Variants in SLIT3 observed in about 807,000 individuals in gnomAD.
SLIT3 encodes slit homolog 3 protein.
In SLIT3, 68 loss-of-function variants were observed where a neutral mutation model predicts 184.0. That is an observed-to-expected ratio of 0.37 (90% CI 0.30 to 0.45). The LOEUF (loss-of-function observed/expected upper bound fraction) is 0.45. Ranked by LOEUF, SLIT3 falls within the 20% of genes least tolerant of loss-of-function variation. SLIT3 has a pLI of 1.00. For synonymous variants in SLIT3, 831 were observed against 828.6 expected (o/e 1.00, Z -0.05); for missense variants, 1,707 against 2,026.0 (o/e 0.84, Z 3.02).
chr5:168,942,899 G>GCCA (rs1762371108), intron 4 of SLIT3, among the ~76,000 whole-genome samples: 1 of 152,200 alleles, frequency 6.6e-6, no homozygotes, highest in Non-Finnish European at 1.5e-5. Flanking sequence ...AAGTAGAAAA[G>GCCA]TGTGTGATGA....
At chr5:169,158,172 G>C (rs962341545) in intron 4 of SLIT3, among the ~76,000 whole-genome samples, 2 of 152,082 alleles carry the variant, frequency 1.3e-5, no homozygotes, top group Non-Finnish European at 2.9e-5. Context: ...ATGCCAAGAC[G>C]CACCATAGAA....
intron 3 of SLIT3, among the ~76,000 whole-genome samples, chr5:169,219,347 C>A (rs189318529): frequency 1.2e-4 from 19 of 152,342 alleles, no homozygotes; most frequent in Non-Finnish European, 2.9e-5. Flanking sequence ...TTAATTTAAT[C>A]CCCCAACATG....
intron 12 of SLIT3, among the ~76,000 whole-genome samples, chr5:168,779,917 T>C (rs1755906259): frequency 6.6e-6 from 1 of 152,202 alleles, no homozygotes; most frequent in Admixed American, 6.5e-5. Context: ...ACCCAGGCTT[T>C]TGAAAAGCCC....
chr5:168,792,842 C>T (rs1756423425), intron 10 of SLIT3, among the ~76,000 whole-genome samples: 1 of 152,208 alleles, frequency 6.6e-6, no homozygotes, highest in Admixed American at 6.5e-5. Context: ...AAATCTGAAA[C>T]TTTCTGAGCA....
chr5:169,081,140 T>G (rs867252782), intron 4 of SLIT3, among the ~76,000 whole-genome samples: 5 of 152,202 alleles, frequency 3.3e-5, no homozygotes, highest in African/African-American at 1.2e-4. Flanking sequence ...GGGTCAGGCC[T>G]GGCCCACCAG....
At chr5:168,826,810 G>A (rs1247920835) in intron 6 of SLIT3, among the ~76,000 whole-genome samples, 2 of 152,168 alleles carry the variant, frequency 1.3e-5, no homozygotes, top group Non-Finnish European at 2.9e-5. Context: ...CGCCCAGGCT[G>A]AAGGGTAGTG....
At chr5:169,048,950 A>G (rs6555847) in intron 4 of SLIT3, among the ~76,000 whole-genome samples, 142,883 of 152,258 alleles carry the variant, frequency 0.94, 67,158 homozygotes, top group East Asian at 1. Context: ...AGAGGCCCTT[A>G]GAAGTTGAGA....
chr5:169,171,603 G>A (rs1762822424), intron 4 of SLIT3, among the ~76,000 whole-genome samples: 1 of 152,238 alleles, frequency 6.6e-6, no homozygotes, highest in East Asian at 1.9e-4. Flanking sequence ...CCAACTGGAG[G>A]TACACAGATT....
At chr5:168,903,159 T>C (rs192136208) in intron 4 of SLIT3, among the ~76,000 whole-genome samples, 21 of 152,338 alleles carry the variant, frequency 1.4e-4, no homozygotes, top group Non-Finnish European at 2.2e-4. Flanking sequence ...CATATTTACA[T>C]GTAAATTTTC....
intron 4 of SLIT3, among the ~76,000 whole-genome samples, chr5:169,152,744 C>T (rs899937428): frequency 7.2e-5 from 11 of 152,182 alleles, no homozygotes; most frequent in African/African-American, 2.4e-4. Context: ...GTAAACCATA[C>T]TCAGAAATAT....
intron 3 of SLIT3, among the ~76,000 whole-genome samples, chr5:169,203,090 T>A (rs1763953610): frequency 6.6e-6 from 1 of 152,140 alleles, no homozygotes; most frequent in East Asian, 1.9e-4. Context: ...CTGCAGAGAA[T>A]GGGCCAAAAG....
chr5:168,871,183 C>T (rs755730211), intron 5 of SLIT3, among the ~76,000 whole-genome samples: 65 of 152,196 alleles, frequency 4.3e-4, no homozygotes, highest in Admixed American at 5.9e-4. Flanking sequence ...TCTTTTCTCT[C>T]TCTCTGCTTC....
At chr5:169,067,932 T>G (rs771860078) in intron 4 of SLIT3, among the ~76,000 whole-genome samples, 3 of 152,248 alleles carry the variant, frequency 2.0e-5, no homozygotes, top group Non-Finnish European at 4.4e-5. Context: ...AATTATTTAG[T>G]TATGATAATT....
intron 15 of SLIT3, among the ~76,000 whole-genome samples, chr5:168,761,777 G>A (rs998109101): frequency 2.0e-5 from 3 of 151,644 alleles, no homozygotes; most frequent in Non-Finnish European, 2.9e-5. Flanking sequence ...CTCACTCTGT[G>A]GCCCAGGCTG....
At chr5:168,747,718 C>G (rs1402814431) in intron 20 of SLIT3, among the ~76,000 whole-genome samples, 1 of 152,048 alleles carries the variant, frequency 6.6e-6, no homozygotes. Flanking sequence ...AGAAACAGGA[C>G]CTGAGGAGTC....
intron 4 of SLIT3, among the ~76,000 whole-genome samples, chr5:168,897,842 C>T (rs564727840): frequency 1.5e-4 from 23 of 152,280 alleles, no homozygotes; most frequent in Admixed American, 1.1e-3. Context: ...CCTCCCTGGA[C>T]CCTGCACCGA....
chr5:169,228,701 G>A (rs1187653782), intron 3 of SLIT3, among the ~76,000 whole-genome samples: 1 of 152,084 alleles, frequency 6.6e-6, no homozygotes, highest in Non-Finnish European at 1.5e-5. Flanking sequence ...AAAGCATACT[G>A]GAATGTCTTC....
In SLIT3 at chr5:169,180,403, G is replaced by A. The variant is rs373266654; in HGVS notation, c.413+13076C>T. On this transcript the variant is annotated intron_variant, in intron 4 of 35. Coordinates refer to ENST00000519560, the MANE Select transcript of SLIT3 (RefSeq NM_003062.4). ...TGTAAAGTCATTGGAACTTTTAACTGGGGAAAAGAGGAGATCTGATTTCCC... is the reference window on the plus strand; with the variant it reads ...TGTAAAGTCATTGGAACTTTTAACTAGGGAAAAGAGGAGATCTGATTTCCC... Among the ~76,000 whole-genome samples the A allele has an allele frequency of 2.6e-4, 39 of 152,258 alleles. 1 individual carries two copies. In the East Asian group the frequency reaches 5.8e-3, roughly 23 times the overall value.
intron 16 of SLIT3, among the ~76,000 whole-genome samples, chr5:168,758,748 C>A (rs1182406391): frequency 6.6e-6 from 1 of 152,136 alleles, no homozygotes; most frequent in African/African-American, 2.4e-5. Flanking sequence ...CTGCCCAGGG[C>A]CTAGAAGGCC....
Sources: gnomAD v4.1 joint callset for allele counts (sites outside exome capture counted in the v4.1 genomes callset) on GRCh38, gnomAD v4.1.1 for gene constraint, MANE v1.5 for transcripts, NCBI Gene and HGNC (gene_info 2026-07-23, HGNC 2026-07-21) for gene names.